IQUB: variants seen among roughly 807,000 people sequenced by gnomAD.
IQUB encodes the protein IQ motif and ubiquitin domain containing.
IQUB carries 86 observed loss-of-function variants against 86.4 expected under a neutral mutation model. The ratio of observed to expected loss-of-function variants is 1.00; its 90% CI spans 0.84 to 1.19. The LOEUF (loss-of-function observed/expected upper bound fraction) is 1.19, where lower values mean the gene tolerates loss of function less well. IQUB is among the 50% of genes most tolerant of loss of function. The probability of loss-of-function intolerance (pLI) is 0.00; values close to 1 mark genes in which losing one functional copy is unlikely to be tolerated. For synonymous variants in IQUB, 289 were observed against 304.5 expected (o/e 0.95, Z 0.53); for missense variants, 946 against 916.9 (o/e 1.03, Z -0.41).
chr7:123,533,095 A>G (rs1285714456), intron 1 of IQUB: 11 of 152,212 alleles, frequency 7.2e-5, no homozygotes, highest in Non-Finnish European at 1.6e-4. Context: ...TAGCCCCACA[A>G]GGCGACATGG....
intron 8 of IQUB, among the ~76,000 whole-genome samples, chr7:123,476,594 G>A (rs1794753992): frequency 6.6e-6 from 1 of 152,024 alleles, no homozygotes; most frequent in East Asian, 1.9e-4. Flanking sequence ...AGATAATGGA[G>A]GAGAGAATTG....
rs1462680160 is a variant in IQUB, at chr7:123,502,659, T to A, written c.961A>T (p.Lys321Ter). 4 of 1,612,872 alleles carry A rather than the reference T, an allele frequency of 2.5e-6. No homozygotes were observed. Among genetic ancestry groups the A allele is most frequent in the Non-Finnish European group, 3.4e-6 (4 of 1,179,282 alleles). Residue 321 changes from lysine to a stop codon, truncating the protein, a stop_gained, in exon 6 of 13, where the codon AAA becomes TAA. Transcript: ENST00000324698. LOFTEE classifies it high-confidence loss of function. ...IGVYVSNMTD[K>*]LVTPGKYFSA... ...AAATACTTTCCTGGTGTTACCAGTT[T>A]ATCAGTCATATTTGATACATATACA...
chr7:123,516,130 GA>G (rs79753904), intron 1 of IQUB, among the ~76,000 whole-genome samples: 12,304 of 151,954 alleles, frequency 0.081, 564 homozygotes, highest in African/African-American at 0.12. Flanking sequence ...TCAGTAGGGG[GA>G]AAAAAAGTGT....
At chr7:123,516,585 G>A (rs955393645) in intron 1 of IQUB, among the ~76,000 whole-genome samples, 1 of 151,984 alleles carries the variant, frequency 6.6e-6, no homozygotes, top group African/African-American at 2.4e-5. Flanking sequence ...GGTGAAATAA[G>A]AATATATATT....
intron 1 of IQUB, among the ~76,000 whole-genome samples, chr7:123,523,297 A>T (rs77740097): frequency 8.1e-6 from 1 of 123,754 alleles, no homozygotes. Flanking sequence ...CACAATGGTC[A>T]AACTAGTTTA....
Position 123,484,090 on chromosome 7 carries a change from G to A in IQUB, c.1235-4120C>T, listed in dbSNP as rs529022184. 3.9e-5 allele frequency among the ~76,000 whole-genome samples: 6 copies of A among 151,998 alleles called. No homozygotes were observed. The East Asian group carries it at 1.2e-3, about 29-fold the overall frequency. ...TCAATTTCAATTTGAATTCATCTTGGTCAGGTCTAACACTTGCCAGTCATG... is the reference window on the plus strand; with the variant it reads ...TCAATTTCAATTTGAATTCATCTTGATCAGGTCTAACACTTGCCAGTCATG... On this transcript the variant is annotated intron_variant, in intron 7 of 12. Coordinates refer to ENST00000324698, the MANE Select transcript of IQUB (RefSeq NM_178827.5).
chr7:123,512,184 T>C lies in IQUB; in HGVS notation c.157A>G (p.Ser53Gly), dbSNP rs1796448400. The change falls in exon 2 of 13, where the codon AGT (serine) becomes GGT (glycine). Residue 53 changes from serine (S) to glycine (G), a missense_variant. Transcript: ENST00000324698. Reference sequence around the variant, plus strand: ...TCAACATGTATTGCATGGCTCTCACTGAATTGTTCTATTCCAGATTCATGC... The same window carrying C: ...TCAACATGTATTGCATGGCTCTCACCGAATTGTTCTATTCCAGATTCATGC... ...EEHESGIEQF[S>G]ESHAIHVEEQ... The C allele has an allele frequency of 1.9e-6, 3 of 1,613,990 alleles. No homozygotes were observed. The highest frequency in any genetic ancestry group is 1.7e-5 in the Admixed American group (1 of 60,010).
chr7:123,493,426 C>A (rs1348737713), intron 7 of IQUB, among the ~76,000 whole-genome samples: 1 of 152,088 alleles, frequency 6.6e-6, no homozygotes, highest in Admixed American at 6.6e-5. Context: ...TTTGTAAATT[C>A]TTTATGAGGG....
intron 7 of IQUB, among the ~76,000 whole-genome samples, chr7:123,480,572 C>A (rs1364381520): frequency 2.6e-5 from 4 of 152,122 alleles, no homozygotes; most frequent in Non-Finnish European, 4.4e-5. Context: ...CCTCTCTCAA[C>A]TGATGAGGTG....
In IQUB at chr7:123,461,384, A is replaced by T; in HGVS notation, c.1980T>A (p.Asp660Glu). 6.2e-7 allele frequency: 1 copy of T among 1,607,840 alleles called. No individual in the cohort carries two copies. The highest frequency in any genetic ancestry group is 8.5e-7 in the Non-Finnish European group (1 of 1,175,196). ...GCATCAAGAAAGCAATTTTAGAATC[A>T]TCTTCATAATCAGCTTCTGTATAGT... ...QLYYTEADYE[D>E]DSKIAFLMQL... Residue 660 changes from aspartate to glutamate, a missense_variant, in exon 11 of 13, where the codon GAT becomes GAA. Coordinates refer to ENST00000324698, the MANE Select transcript of IQUB (RefSeq NM_178827.5).
chr7:123,481,765 T>A (rs969975939), intron 7 of IQUB, among the ~76,000 whole-genome samples: 2 of 152,076 alleles, frequency 1.3e-5, no homozygotes, highest in Non-Finnish European at 2.9e-5. Context: ...TTCAGAAGAA[T>A]GCCTAACATT....
At chr7:123,465,047 C>T in intron 9 of IQUB, 38 bp from the exon 10 acceptor site, 1 of 1,327,028 alleles carries the variant, frequency 7.5e-7, no homozygotes, top group Non-Finnish European at 1.0e-6. Context: ...TAAAATTTTA[C>T]AAATCACTAA....
chr7:123,487,400 T>C (rs1451145211), intron 7 of IQUB, among the ~76,000 whole-genome samples: 2 of 152,232 alleles, frequency 1.3e-5, no homozygotes, highest in South Asian at 2.1e-4. Flanking sequence ...CAGAGAACCC[T>C]GGTAAGAACT....
At chr7:123,474,148 A>G (rs961333858) in intron 8 of IQUB, among the ~76,000 whole-genome samples, 7 of 152,250 alleles carry the variant, frequency 4.6e-5, no homozygotes, top group Admixed American at 1.3e-4. Context: ...TTTGGACTCA[A>G]AAAAGTGAAA....
chr7:123,467,428 C>T (rs79821729), intron 9 of IQUB, among the ~76,000 whole-genome samples: 2,439 of 152,186 alleles, frequency 0.016, 62 homozygotes, highest in African/African-American at 0.055. Context: ...TAGACAGCTA[C>T]CATCAGCTGA....
intron 1 of IQUB, among the ~76,000 whole-genome samples, chr7:123,522,386 C>T (rs866982822): frequency 2.6e-5 from 4 of 152,256 alleles, no homozygotes; most frequent in Non-Finnish European, 5.9e-5. Flanking sequence ...GGGTAAAACG[C>T]CAGACCCCTC....
intron 8 of IQUB, among the ~76,000 whole-genome samples, chr7:123,470,589 G>A (rs889620503): frequency 2.6e-5 from 4 of 152,128 alleles, no homozygotes; most frequent in Admixed American, 2.0e-4. Context: ...AGTGGCTCAC[G>A]CCTGTAATCC....
At chr7:123,525,677 A>T (rs1040428020) in intron 1 of IQUB, among the ~76,000 whole-genome samples, 2 of 152,046 alleles carry the variant, frequency 1.3e-5, no homozygotes, top group African/African-American at 4.8e-5. Context: ...AATTTTTTGA[A>T]GGGTTTTTTG....
At chr7:123,526,479 T>C (rs1349751239) in intron 1 of IQUB, among the ~76,000 whole-genome samples, 1 of 152,204 alleles carries the variant, frequency 6.6e-6, no homozygotes, top group Non-Finnish European at 1.5e-5. Context: ...TTTTGATCTT[T>C]GTTGGTTTAA....
Sources: allele counts gnomAD v4.1 joint callset (sites outside exome capture counted in the v4.1 genomes callset), GRCh38; gene constraint gnomAD v4.1.1; transcripts MANE v1.5; gene names NCBI Gene and HGNC (gene_info 2026-07-23, HGNC 2026-07-21).